TPCN1: variants seen among roughly 807,000 people sequenced by gnomAD.
TPCN1 encodes the protein two pore segment channel 1.
TPCN1 carries 52 observed loss-of-function variants against 108.8 expected under a neutral mutation model. That is an observed-to-expected ratio of 0.48 (90% CI 0.38 to 0.60). The LOEUF is 0.60. TPCN1 is among the 20% of genes least tolerant of loss of function. The pLI, the probability that TPCN1 is intolerant of heterozygous loss-of-function variation, is 0.00. For missense variants in TPCN1, 806 were observed against 1,072.8 expected (o/e 0.75, Z 3.47); for synonymous variants, 446 against 433.7 (o/e 1.03, Z -0.35).
intron 2 of TPCN1, among the ~76,000 whole-genome samples, chr12:113,253,168 T>G (rs1954712118): frequency 6.6e-6 from 1 of 152,076 alleles, no homozygotes; most frequent in African/African-American, 2.4e-5. Context: ...AAGTCTGAGG[T>G]GGGAATAGTA....
At chr12:113,285,555 T>C (rs544100662) in intron 17 of TPCN1, among the ~76,000 whole-genome samples, 1 of 152,316 alleles carries the variant, frequency 6.6e-6, no homozygotes, top group South Asian at 2.1e-4. Context: ...TTTGTATTTT[T>C]TGTAAAGATG....
intron 2 of TPCN1, among the ~76,000 whole-genome samples, chr12:113,257,771 C>T (rs1021288962): frequency 6.6e-6 from 1 of 152,092 alleles, no homozygotes; most frequent in African/African-American, 2.4e-5. Flanking sequence ...TGTTCATCAA[C>T]AGGTGAATGG....
intron 1 of TPCN1, among the ~76,000 whole-genome samples, chr12:113,225,041 G>A (rs1271351363): frequency 6.6e-6 from 1 of 152,068 alleles, no homozygotes; most frequent in Non-Finnish European, 1.5e-5. Context: ...GTAAGCCACC[G>A]TGCCCAGCCT....
At chr12:113,295,142 G>C (rs1233828747) in intron 27 of TPCN1, among the ~76,000 whole-genome samples, 1 of 152,170 alleles carries the variant, frequency 6.6e-6, no homozygotes, top group Non-Finnish European at 1.5e-5. Flanking sequence ...CACCCATTCA[G>C]GTGTGGTTGG....
intron 2 of TPCN1, among the ~76,000 whole-genome samples, chr12:113,255,487 CTT>C (rs201378482): frequency 6.8e-6 from 1 of 147,584 alleles, no homozygotes; most frequent in Non-Finnish European, 1.5e-5. Context: ...TCCCAGCAGA[CTT>C]TTTTTTTTAA....
rs766841301 is a variant in TPCN1 at position 113,268,843 on chromosome 12, G to A, written c.630G>A (p.Val210=). ...VTRALRCIFL[V]DCRYCGGVRR... is the part of the protein sequence containing the mutation. ...GAGCACTGCGCTGCATTTTCCTGGT[G>A]GACTGTCGGTATTGCGGTGGCGTCC... Residue 210 remains valine, a synonymous_variant, in exon 6 of 28, where the codon GTG becomes GTA. Transcript: ENST00000335509. This position sits in a 1 kb window ranked among gnomAD's most constrained non-coding sequence, Gnocchi z 7.3. The A allele has an allele frequency of 2.5e-6, 4 of 1,614,142 alleles. No individual in the cohort carries two copies. The highest frequency in any genetic ancestry group is 1.1e-5 in the South Asian group (1 of 91,082).
At position 113,278,847 on chromosome 12, in the gene TPCN1, T is replaced by C; in HGVS notation, c.1297+12T>C. 1 of 1,613,450 alleles carries C rather than the reference T, an allele frequency of 6.2e-7. No homozygotes were observed. Among genetic ancestry groups the C allele is most frequent in the South Asian group, 1.1e-5 (1 of 91,068 alleles). ...CCTCATCTTCAAAGGTAAGTGGGCT[T>C]GAGTATGGCAGGTGTTGGCAGCTGG... On this transcript the variant is annotated intron_variant, in intron 14 of 27. Transcript: ENST00000335509.
At chr12:113,271,458 T>A (rs1213183059) in intron 7 of TPCN1, among the ~76,000 whole-genome samples, 1 of 152,200 alleles carries the variant, frequency 6.6e-6, no homozygotes. Flanking sequence ...ATATTTTACT[T>A]CACATTTACA....
intron 3 of TPCN1, among the ~76,000 whole-genome samples, chr12:113,263,608 A>G (rs973610248): frequency 2.0e-5 from 3 of 152,238 alleles, no homozygotes; most frequent in Admixed American, 2.0e-4. Flanking sequence ...CGGGTCCTGC[A>G]GTGAGCCAGG....
chr12:113,248,449 G>T (rs1421297550), intron 2 of TPCN1, among the ~76,000 whole-genome samples: 1 of 152,254 alleles, frequency 6.6e-6, no homozygotes, highest in African/African-American at 2.4e-5. Flanking sequence ...CTGTCAGGTG[G>T]TGACAGCCCC....
chr12:113,252,010 T>G (rs1008651163), intron 2 of TPCN1, among the ~76,000 whole-genome samples: 1 of 151,996 alleles, frequency 6.6e-6, no homozygotes, highest in Admixed American at 6.6e-5. Context: ...CCTGGTGAGT[T>G]ACAGGCCATG....
intron 2 of TPCN1, among the ~76,000 whole-genome samples, chr12:113,243,365 G>C (rs943643568): frequency 1.4e-5 from 2 of 145,566 alleles, no homozygotes; most frequent in Non-Finnish European, 3.0e-5. Context: ...GTGGGACCCT[G>C]TCTCAAAAAA....
intron 22 of TPCN1, 42 bp downstream of exon 22, chr12:113,290,285 CCACCCTTGT>C (rs760841665): frequency 4.1e-5 from 57 of 1,383,104 alleles, no homozygotes; most frequent in African/African-American, 1.4e-4. Context: ...CCTGGGGACC[CCACCCTTGT>C]CACCCTTGTC....
chr12:113,232,842 G>C lies in TPCN1; in HGVS notation c.112+5878G>C, dbSNP rs1420553272. On this transcript the variant is annotated intron_variant, in intron 2 of 27. Transcript: ENST00000335509. This position sits in a 1 kb window ranked among gnomAD's most constrained non-coding sequence, Gnocchi z 5.6. ...AGCAGAGGTCCTGAACCCAGGCCAC[G>C]ATTCAGATCCTTCTTGCCTCACTCC... 6.6e-6 allele frequency among the ~76,000 whole-genome samples: 1 copy of C among 152,184 alleles called. No homozygotes were observed. The highest frequency in any genetic ancestry group is 2.4e-5 in the African/African-American group (1 of 41,448).
At position 113,269,582 on chromosome 12, in the gene TPCN1, C is replaced by T. The variant is rs1014196955; in HGVS notation, c.660-175C>T. Among the ~76,000 whole-genome samples the T allele has an allele frequency of 2.2e-4, 34 of 152,240 alleles. No individual in the cohort carries two copies. Among genetic ancestry groups the T allele is most frequent in the African/African-American group, 3.1e-4 (13 of 41,538 alleles). ...CCTGCCCTAGTTCTTCCCTGCCATCCGCTGAGTGGGGGTCTCAAGCCACTT... is the reference window on the plus strand; with the variant it reads ...CCTGCCCTAGTTCTTCCCTGCCATCTGCTGAGTGGGGGTCTCAAGCCACTT... On this transcript the variant is annotated intron_variant, in intron 6 of 27. Transcript: ENST00000335509. This position sits in a 1 kb window ranked among gnomAD's most constrained non-coding sequence, Gnocchi z 5.0.
At position 113,276,996 on chromosome 12, in the gene TPCN1, C is replaced by G. The variant is rs764720700; in HGVS notation, c.1020C>G (p.Thr340=). 1.2e-6 allele frequency: 2 copies of G among 1,614,038 alleles called. No homozygotes were observed. Among genetic ancestry groups the G allele is most frequent in the Admixed American group, 1.7e-5 (1 of 60,024 alleles). The stretch of plus-strand genomic sequence containing the variant: ...AGTCTTTGCTACTGCACAAGCGAAC[C>G]GCTATCCAGCATGCCTACCGCCTGC... ...KFKSLLLHKR[T]AIQHAYRLLI... The change falls in exon 11 of 28, where the codon ACC becomes ACG. Residue 340 remains threonine (T), a synonymous_variant. Coordinates refer to ENST00000335509, the MANE Select transcript of TPCN1 (RefSeq NM_017901.6).
At chr12:113,283,744 G>A (rs1955971655) in intron 15 of TPCN1, among the ~76,000 whole-genome samples, 1 of 152,118 alleles carries the variant, frequency 6.6e-6, no homozygotes, top group Non-Finnish European at 1.5e-5. Flanking sequence ...CACAAGCATA[G>A]CTCACTGCAA....
Position 113,284,894 on chromosome 12 carries a change from A to C in TPCN1, c.1453+123A>C. 5 of 1,104,710 alleles carry C rather than the reference A, an allele frequency of 4.5e-6. No homozygotes were observed. Among genetic ancestry groups the C allele is most frequent in the Non-Finnish European group, 6.8e-6 (5 of 735,802 alleles). The allele number at this position is 1,104,710 out of a possible 1,614,324, so 68.4% of individuals were successfully genotyped here. ...GAAGCTATAAAGAGACGGAGTAATC[A>C]GTCTGATTCCATCTCGTCCCCGTTT... is the stretch of plus-strand genomic sequence containing the variant. On this transcript the variant is annotated intron_variant, in intron 17 of 27. Coordinates refer to ENST00000335509, the MANE Select transcript of TPCN1 (RefSeq NM_017901.6). The surrounding 1 kb of genome is among the most constrained non-coding windows in gnomAD (Gnocchi z 4.1).
Position 113,273,651 on chromosome 12 carries a change from T to C in TPCN1, c.925T>C (p.Tyr309His). The change falls in exon 10 of 28, where the codon TAT (tyrosine) becomes CAT (histidine). Residue 309 changes from tyrosine to histidine, a missense_variant. Physicochemically the swap from Tyr to His is moderately conservative, Grantham distance 83. Coordinates refer to ENST00000335509, the MANE Select transcript of TPCN1 (RefSeq NM_017901.6). This position sits in a 1 kb window ranked among gnomAD's most constrained non-coding sequence, Gnocchi z 4.0. ...FFIVYLSIEL[Y>H]FIMNLLLAVV... ...CATCGTGTACCTCTCCATCGAGCTG[T>C]ATTTCATCATGAACCTGGTGAGTGA... 1 of 1,614,142 alleles carries C rather than the reference T, an allele frequency of 6.2e-7. No homozygotes were observed. The highest frequency in any genetic ancestry group is 8.5e-7 in the Non-Finnish European group (1 of 1,179,974).
Sources: gnomAD v4.1 joint callset for allele counts (sites outside exome capture counted in the v4.1 genomes callset) on GRCh38, gnomAD v4.1.1 for gene constraint, Gnocchi (gnomAD v3.1) non-coding constraint, MANE v1.5 for transcripts, NCBI Gene and HGNC (gene_info 2026-07-23, HGNC 2026-07-21) for gene names.